The following HMCN1 variants were observed in gnomAD, a reference collection of about 807,000 sequenced individuals.
The protein encoded by HMCN1 is hemicentin 1, also known as hemicentin-1.
Under a neutral mutation model 625.9 loss-of-function variants are expected in HMCN1, and 321 were observed. That is an observed-to-expected ratio of 0.51 (90% CI 0.47 to 0.56). The LOEUF (loss-of-function observed/expected upper bound fraction) is 0.56. Among genes scored for constraint, HMCN1 ranks in the 20% least tolerant of loss-of-function variants. The pLI, the probability that HMCN1 is intolerant of heterozygous loss-of-function variation, is 0.00. For synonymous variants in HMCN1, 2,425 were observed against 2,417.6 expected (o/e 1.00, Z -0.09); for missense variants, 6,588 against 6,887.3 (o/e 0.96, Z 1.54).
intron 89 of HMCN1, among the ~76,000 whole-genome samples, chr1:186,140,527 T>G (rs187455747): frequency 7.2e-5 from 11 of 152,346 alleles, no homozygotes; most frequent in African/African-American, 2.2e-4. Flanking sequence ...ACTGGTGGTG[T>G]TAACTTTCTT....
intron 10 of HMCN1, 102 bp from the exon 11 acceptor site, chr1:185,933,446 CT>C (rs1558075123): frequency 1.2e-5 from 14 of 1,120,934 alleles, no homozygotes; most frequent in South Asian, 1.2e-4. Context: ...TGCATCTTTC[CT>C]ACTGGATGTT....
At chr1:186,050,803 C>T (rs529706868) in intron 42 of HMCN1, among the ~76,000 whole-genome samples, 2 of 152,184 alleles carry the variant, frequency 1.3e-5, no homozygotes, top group Non-Finnish European at 2.9e-5. Flanking sequence ...CTTCTAGGCG[C>T]TATGCCATGT....
intron 97 of HMCN1, among the ~76,000 whole-genome samples, chr1:186,161,581 G>A (rs967225520): frequency 6.6e-6 from 1 of 151,966 alleles, no homozygotes; most frequent in Non-Finnish European, 1.5e-5. Context: ...TCCATGTTTA[G>A]TGCTTCCTTC....
rs1442387148 is a variant in HMCN1, at chr1:186,037,321, GC to G, written c.5750-611del. Among the ~76,000 whole-genome samples the G allele has an allele frequency of 2.6e-5, 4 of 152,122 alleles. No individual in the cohort carries two copies. In the East Asian group the frequency reaches 5.8e-4, roughly 22 times the overall value. ...TTCCAAGTTATTTCTTTTATATTAT[GC>G]CTCTCGGACTTTACGAATTCCTACT... On this transcript the variant is annotated intron_variant, in intron 36 of 106. Transcript: ENST00000271588.
intron 1 of HMCN1, among the ~76,000 whole-genome samples, chr1:185,755,101 T>C (rs1419560952): frequency 1.3e-5 from 2 of 152,242 alleles, no homozygotes; most frequent in African/African-American, 4.8e-5. Context: ...ATTGCTATTA[T>C]TCAAATCCAT....
At chr1:186,147,290 T>G (rs1650371909) in intron 93 of HMCN1, among the ~76,000 whole-genome samples, 1 of 152,144 alleles carries the variant, frequency 6.6e-6, no homozygotes, top group African/African-American at 2.4e-5. Flanking sequence ...CTTCCCTAAA[T>G]AGTAGGTAGT....
In HMCN1 at chr1:186,001,628, A is replaced by G. The variant is rs1477000164; in HGVS notation, c.4235A>G (p.Asn1412Ser). 8 of 1,613,128 alleles carry G rather than the reference A, an allele frequency of 5.0e-6. No individual in the cohort carries two copies. The highest frequency in any genetic ancestry group is 1.7e-5 in the Admixed American group (1 of 59,934). The change falls in exon 28 of 107, where the codon AAT becomes AGT. Residue 1412 changes from asparagine (N) to serine (S), a missense_variant. Physicochemically the swap from Asn to Ser is conservative, Grantham distance 46 (BLOSUM62 1). Around this residue, in one of 3 missense-constraint regions of HMCN1, gnomAD observed 4,628 missense variants for 4,853.1 expected, o/e 0.95. Transcript: ENST00000271588. ...AGCAGCACTATTCAGACTGTGAACA[A>G]TGGGAAGATACTGAAGCTCTTCAGA... ...TESSTIQTVN[N>S]GKILKLFRAT... is the part of the protein sequence containing the mutation.
chr1:185,879,894 C>G (rs1242282506), intron 4 of HMCN1, among the ~76,000 whole-genome samples: 1 of 152,122 alleles, frequency 6.6e-6, no homozygotes, highest in Non-Finnish European at 1.5e-5. Flanking sequence ...GACAGTAAGA[C>G]TTGCTATGGA....
rs1348588610 is a variant in HMCN1, at chr1:186,038,815, CCTT to C, written c.5852-7_5852-5del. The C allele has an allele frequency of 2.6e-6, 4 of 1,560,232 alleles. No homozygotes were observed. Among genetic ancestry groups the C allele is most frequent in the Non-Finnish European group, 2.7e-6 (3 of 1,131,244 alleles). Reference sequence around the variant, plus strand: ...AATTTTTACATAGATCATCTTCTCCCCTTCTTCTTTCAGTTATTACATGGTACA... The same window carrying C: ...AATTTTTACATAGATCATCTTCTCCCCTTCTTTCAGTTATTACATGGTACA... On this transcript the variant is annotated splice_polypyrimidine_tract_variant and intron_variant, in intron 37 of 106. Coordinates refer to ENST00000271588, the MANE Select transcript of HMCN1 (RefSeq NM_031935.3).
intron 4 of HMCN1, among the ~76,000 whole-genome samples, chr1:185,876,260 G>C (rs1663924957): frequency 6.6e-6 from 1 of 151,956 alleles, no homozygotes. Flanking sequence ...TTTTTTTATA[G>C]CAGAATAGTA....
At chr1:186,156,118 T>C in intron 97 of HMCN1, among the ~76,000 whole-genome samples, 1 of 152,214 alleles carries the variant, frequency 6.6e-6, no homozygotes, top group Non-Finnish European at 1.5e-5. Flanking sequence ...AAAATCTAAC[T>C]TATTTTTAAA....
chr1:186,021,946 CAT>C (rs888176288), intron 35 of HMCN1, among the ~76,000 whole-genome samples: 5 of 151,968 alleles, frequency 3.3e-5, no homozygotes, highest in Admixed American at 3.3e-4. Flanking sequence ...ATCTGAGAAA[CAT>C]ATAGTGGCAT....
chr1:186,106,762 C>T, intron 69 of HMCN1, 122 bp from the exon 70 acceptor site: 1 of 755,214 alleles, frequency 1.3e-6, no homozygotes, highest in Non-Finnish European at 2.4e-6. Flanking sequence ...TAGTGTTAAA[C>T]AGTTGGCTTT....
In HMCN1 at chr1:185,982,336, C is replaced by CT. The variant is rs775060963; in HGVS notation, c.2738dup (p.Leu914ValfsTer13). 1 of 1,613,476 alleles carries CT rather than the reference C, an allele frequency of 6.2e-7. No individual in the cohort carries two copies. The highest frequency in any genetic ancestry group is 8.5e-7 in the Non-Finnish European group (1 of 1,179,514). On this transcript the variant is annotated frameshift_variant, in exon 18 of 107. Coordinates refer to ENST00000271588, the MANE Select transcript of HMCN1 (RefSeq NM_031935.3). LOFTEE classifies it high-confidence loss of function. ...ACAGCAGCTTACTTTGCCCTGTACT[C>CT]TGTTAGCTGGAAATCCCATTCCAGA... is the stretch of plus-strand genomic sequence containing the variant.
At chr1:186,040,933 CA>C in intron 39 of HMCN1, 79 bp from the exon 40 acceptor site, 3 of 1,528,214 alleles carry the variant, frequency 2.0e-6, no homozygotes, top group Non-Finnish European at 2.7e-6. Flanking sequence ...TGATAAGCCT[CA>C]AAAAAATAAG....
intron 1 of HMCN1, among the ~76,000 whole-genome samples, chr1:185,767,468 A>C (rs913184544): frequency 6.6e-6 from 1 of 152,220 alleles, no homozygotes; most frequent in Non-Finnish European, 1.5e-5. Context: ...CAAAGATAAG[A>C]CAATAGTGAC....
chr1:185,738,610 G>A (rs1653758310), intron 1 of HMCN1, among the ~76,000 whole-genome samples: 1 of 152,140 alleles, frequency 6.6e-6, no homozygotes, highest in African/African-American at 2.4e-5. Flanking sequence ...GTAACTCTAT[G>A]TTTAACTGTT....
intron 36 of HMCN1, among the ~76,000 whole-genome samples, chr1:186,029,007 C>T (rs1655243004): frequency 6.6e-6 from 1 of 152,062 alleles, no homozygotes; most frequent in African/African-American, 2.4e-5. Flanking sequence ...CCTGGGATTA[C>T]AGGGGCGAGC....
chr1:186,148,268 C>T (rs889821701), intron 93 of HMCN1, among the ~76,000 whole-genome samples: 1 of 152,110 alleles, frequency 6.6e-6, no homozygotes, highest in African/African-American at 2.4e-5. Context: ...ACTTCTAATT[C>T]TCTTGCTCTT....
Sources: allele counts gnomAD v4.1 joint callset (sites outside exome capture counted in the v4.1 genomes callset), GRCh38; gene constraint gnomAD v4.1.1; regional missense constraint gnomAD v4.1.1; transcripts MANE v1.5; gene names NCBI Gene and HGNC (gene_info 2026-07-23, HGNC 2026-07-21).